Variants in MYRIP observed in about 807,000 individuals in gnomAD.
MYRIP encodes rab effector MyRIP.
In MYRIP, 49 loss-of-function variants were observed where a neutral mutation model predicts 98.0. The ratio of observed to expected loss-of-function variants is 0.50; its 90% CI spans 0.40 to 0.63. The LOEUF (loss-of-function observed/expected upper bound fraction) is 0.63, where lower values mean the gene tolerates loss of function less well. Among genes scored for constraint, MYRIP ranks in the 30% least tolerant of loss-of-function variants. The probability of loss-of-function intolerance (pLI) is 0.00; values close to 1 mark genes in which losing one functional copy is unlikely to be tolerated. For synonymous variants in MYRIP, 404 were observed against 409.5 expected, an observed-to-expected ratio of 0.99 and a Z score of 0.16; for missense variants, 1,004 against 1,058.2, an observed-to-expected ratio of 0.95 and a Z score of 0.71.
chr3:39,960,691 T>G (rs1945300606), intron 2 of MYRIP, among the ~76,000 whole-genome samples: 1 of 152,176 alleles, frequency 6.6e-6, no homozygotes, highest in Non-Finnish European at 1.5e-5. Flanking sequence ...TTGGCAAAGT[T>G]ACAACTTTAA....
At chr3:40,071,897 G>A (rs543358218) in intron 3 of MYRIP, among the ~76,000 whole-genome samples, 12 of 152,156 alleles carry the variant, frequency 7.9e-5, no homozygotes, top group Non-Finnish European at 1.6e-4. Flanking sequence ...GCAGGGTCAC[G>A]AGGGAGCTGG....
intron 3 of MYRIP, among the ~76,000 whole-genome samples, chr3:40,060,614 A>AGAGAGAGAGAGAGAGAGAGAGG (rs894059877): frequency 5.2e-4 from 79 of 151,484 alleles, no homozygotes; most frequent in Middle Eastern, 3.4e-3. Flanking sequence ...AGAGAGAGAG[A>AGAGAGAGAGAGAGAGAGAGAGG]GAGATTCGCT....
At chr3:40,216,634 G>A (rs1455977884) in intron 11 of MYRIP, among the ~76,000 whole-genome samples, 1 of 152,110 alleles carries the variant, frequency 6.6e-6, no homozygotes, top group African/African-American at 2.4e-5. Context: ...CATTTAGTAA[G>A]TACTATTTTT....
intron 3 of MYRIP, among the ~76,000 whole-genome samples, chr3:40,086,762 C>T (rs1243894126): frequency 6.6e-6 from 1 of 152,142 alleles, no homozygotes; most frequent in East Asian, 1.9e-4. Context: ...CAAGGTAACC[C>T]AGTACCTACT....
intron 2 of MYRIP, among the ~76,000 whole-genome samples, chr3:39,911,662 T>TA (rs1415790780): frequency 6.6e-6 from 1 of 152,232 alleles, no homozygotes; most frequent in Admixed American, 6.5e-5. Flanking sequence ...TTTTCTCACT[T>TA]ACAGTAATTC....
chr3:40,196,785 T>C (rs72856987), intron 10 of MYRIP, among the ~76,000 whole-genome samples: 10,854 of 152,272 alleles, frequency 0.071, 1,279 homozygotes, highest in African/African-American at 0.24. Flanking sequence ...TTCTCTAATT[T>C]CCCACCCTTA....
chr3:39,833,217 G>A (rs750329871), intron 1 of MYRIP, among the ~76,000 whole-genome samples: 2 of 152,186 alleles, frequency 1.3e-5, no homozygotes, highest in Non-Finnish European at 2.9e-5. Flanking sequence ...GTTAGCAGTG[G>A]TTGTATTTGT....
chr3:40,182,425 T>G (rs1950906101), intron 9 of MYRIP, 52 bp downstream of exon 9: 1 of 1,568,754 alleles, frequency 6.4e-7, no homozygotes, highest in Non-Finnish European at 8.7e-7. Flanking sequence ...AAAGTGTGGT[T>G]TGGAGACATC....
At chr3:40,210,607 C>T (rs1329887170) in intron 11 of MYRIP, among the ~76,000 whole-genome samples, 2 of 152,084 alleles carry the variant, frequency 1.3e-5, no homozygotes, top group South Asian at 2.1e-4. Flanking sequence ...GTTTTAGCGT[C>T]GGAATCCTTT....
At chr3:39,844,111 T>C (rs1026454737) in intron 1 of MYRIP, among the ~76,000 whole-genome samples, 2 of 152,186 alleles carry the variant, frequency 1.3e-5, no homozygotes, top group Non-Finnish European at 2.9e-5. Context: ...ATTATGCCCA[T>C]TCTGAAAGGT....
chr3:39,900,997 G>C, intron 2 of MYRIP, 71 bp downstream of exon 2: 1 of 1,138,158 alleles, frequency 8.8e-7, no homozygotes, highest in Non-Finnish European at 1.3e-6. Flanking sequence ...TTTCCTGAGG[G>C]TATTCCCTCC....
chr3:40,214,067 T>A (rs1210041507), intron 11 of MYRIP, among the ~76,000 whole-genome samples: 1 of 152,162 alleles, frequency 6.6e-6, no homozygotes, highest in Non-Finnish European at 1.5e-5. Context: ...TTTCCTGGGA[T>A]TGCCTCCCAC....
At chr3:39,984,211 T>TATTTC (rs1945970486) in intron 2 of MYRIP, among the ~76,000 whole-genome samples, 1 of 151,486 alleles carries the variant, frequency 6.6e-6, no homozygotes, top group Non-Finnish European at 1.5e-5. Flanking sequence ...TATTTTATTT[T>TATTTC]ATTTTATTTT....
chr3:40,109,615 G>T (rs1054593134), intron 3 of MYRIP, among the ~76,000 whole-genome samples: 1 of 152,134 alleles, frequency 6.6e-6, no homozygotes, highest in Non-Finnish European at 1.5e-5. Context: ...GCCAGGGAAG[G>T]TTGATGTTGG....
At chr3:39,872,889 T>C (rs1188856908) in intron 1 of MYRIP, among the ~76,000 whole-genome samples, 3 of 152,166 alleles carry the variant, frequency 2.0e-5, no homozygotes, top group Non-Finnish European at 4.4e-5. Flanking sequence ...CATTTCTAGT[T>C]CTAGATCCCT....
At chr3:40,197,466 A>G (rs1951427184) in intron 10 of MYRIP, among the ~76,000 whole-genome samples, 1 of 152,332 alleles carries the variant, frequency 6.6e-6, no homozygotes, top group East Asian at 1.9e-4. Flanking sequence ...CCTGATGGAC[A>G]TAGATGGGCT....
intron 2 of MYRIP, among the ~76,000 whole-genome samples, chr3:40,020,584 C>T (rs1472502725): frequency 6.6e-6 from 1 of 152,108 alleles, no homozygotes; most frequent in Non-Finnish European, 1.5e-5. Context: ...TGTCTATGGA[C>T]TGAGGAGGGC....
intron 2 of MYRIP, among the ~76,000 whole-genome samples, chr3:40,024,846 C>G (rs1232674642): frequency 6.6e-6 from 1 of 152,158 alleles, no homozygotes; most frequent in African/African-American, 2.4e-5. Flanking sequence ...GAGATGGGAG[C>G]CTTTTCTGAG....
chr3:40,068,354 C>T (rs1462214130), intron 3 of MYRIP, among the ~76,000 whole-genome samples: 1 of 152,122 alleles, frequency 6.6e-6, no homozygotes, highest in African/African-American at 2.4e-5. Flanking sequence ...CAATGTTTTG[C>T]TCTAGGTGAG....
Sources: allele counts gnomAD v4.1 joint callset (sites outside exome capture counted in the v4.1 genomes callset), GRCh38; gene constraint gnomAD v4.1.1; transcripts MANE v1.5; gene names NCBI Gene and HGNC (gene_info 2026-07-23, HGNC 2026-07-21).